The following CNTN4 variants were observed in gnomAD, a reference collection of about 807,000 sequenced individuals.
CNTN4 encodes the protein contactin-4.
Under a neutral mutation model 122.5 loss-of-function variants are expected in CNTN4, and 77 were observed. The observed-to-expected ratio is 0.63, with a 90% CI of 0.52 to 0.76. The LOEUF is 0.76. CNTN4 is among the 30% of genes least tolerant of loss of function. CNTN4 has a pLI of 0.00. For missense variants in CNTN4, 1,256 were observed against 1,259.1 expected (o/e 1.00, Z 0.04); for synonymous variants, 512 against 447.0 (o/e 1.15, Z -1.83).
rs375536094 is a variant in CNTN4 at position 2,818,615 on chromosome 3, T to A, written c.359-871T>A. 8.5e-5 allele frequency among the ~76,000 whole-genome samples: 13 copies of A among 152,234 alleles called. No individual in the cohort carries two copies. The East Asian group carries it at 1.4e-3, about 16-fold the overall frequency. ...TTGAGAGGATTTACATCTGGGAGGG[T>A]GGAAGAAAAAAACGTTTCTTGAACA... On this transcript the variant is annotated intron_variant, in intron 6 of 24. Transcript: ENST00000418658.
At chr3:2,428,575 AT>A (rs2047935491) in intron 3 of CNTN4, among the ~76,000 whole-genome samples, 1 of 152,088 alleles carries the variant, frequency 6.6e-6, no homozygotes, top group African/African-American at 2.4e-5. Context: ...CTCGAGGAGT[AT>A]CTTTGTTGCA....
intron 3 of CNTN4, among the ~76,000 whole-genome samples, chr3:2,552,459 T>A (rs543419375): frequency 2.8e-4 from 42 of 152,280 alleles, no homozygotes; most frequent in African/African-American, 9.1e-4. Flanking sequence ...ACAAGACAAA[T>A]GCTCATCATG....
intron 3 of CNTN4, among the ~76,000 whole-genome samples, chr3:2,420,696 A>G (rs767408908): frequency 5.3e-5 from 8 of 152,024 alleles, no homozygotes; most frequent in Non-Finnish European, 8.8e-5. Flanking sequence ...TCTGCCTCCC[A>G]AAGTGCATTG....
intron 4 of CNTN4, among the ~76,000 whole-genome samples, chr3:2,644,572 C>T (rs536842526): frequency 1.3e-5 from 2 of 151,494 alleles, no homozygotes; most frequent in South Asian, 4.2e-4. Flanking sequence ...TTCCTTTTTT[C>T]TGCAAAATAC....
chr3:2,970,710 T>C (rs1692818061), intron 13 of CNTN4, among the ~76,000 whole-genome samples: 1 of 152,158 alleles, frequency 6.6e-6, no homozygotes, highest in African/African-American at 2.4e-5. Flanking sequence ...TCTCTCAAAG[T>C]GCTGCGATTG....
chr3:2,344,435 G>A (rs1203036945), intron 3 of CNTN4, among the ~76,000 whole-genome samples: 3 of 151,856 alleles, frequency 2.0e-5, no homozygotes, highest in South Asian at 2.1e-4. Context: ...GTCTGCCACC[G>A]CACCCAGCTA....
At chr3:2,796,014 T>C (rs2092166143) in intron 6 of CNTN4, among the ~76,000 whole-genome samples, 1 of 152,190 alleles carries the variant, frequency 6.6e-6, no homozygotes, top group Non-Finnish European at 1.5e-5. Flanking sequence ...CACAGAAATA[T>C]CTGGAGAAAA....
chr3:2,844,098 T>A (rs969144740), intron 7 of CNTN4, among the ~76,000 whole-genome samples: 5 of 152,212 alleles, frequency 3.3e-5, no homozygotes, highest in African/African-American at 1.2e-4. Context: ...GGGGCCTTTG[T>A]GAGTGTTGCT....
intron 4 of CNTN4, among the ~76,000 whole-genome samples, chr3:2,595,276 A>G (rs527624918): frequency 2.0e-5 from 3 of 152,236 alleles, no homozygotes; most frequent in South Asian, 2.1e-4. Flanking sequence ...TTGGCATTTT[A>G]AAGATATTAT....
intron 2 of CNTN4, among the ~76,000 whole-genome samples, chr3:2,102,386 G>C (rs2032050214): frequency 6.6e-6 from 1 of 152,168 alleles, no homozygotes; most frequent in Non-Finnish European, 1.5e-5. Context: ...CTATTTCACG[G>C]CATCACGATA....
At chr3:2,911,547 C>T (rs1352905174) in intron 12 of CNTN4, among the ~76,000 whole-genome samples, 2 of 152,210 alleles carry the variant, frequency 1.3e-5, no homozygotes, top group African/African-American at 2.4e-5. Context: ...GAAGACATGG[C>T]CCAACCAAAG....
At chr3:2,543,176 A>C (rs2078101327) in intron 3 of CNTN4, among the ~76,000 whole-genome samples, 1 of 152,104 alleles carries the variant, frequency 6.6e-6, no homozygotes, top group African/African-American at 2.4e-5. Context: ...GAAAAATAAC[A>C]GAGGATATAT....
chr3:2,721,561 A>G (rs1252579561), intron 4 of CNTN4, among the ~76,000 whole-genome samples: 10 of 152,140 alleles, frequency 6.6e-5, no homozygotes, highest in Middle Eastern at 3.2e-3. Context: ...AGGCACACCT[A>G]CTGCTGTGTG....
chr3:2,464,041 C>T (rs951846465), intron 3 of CNTN4, among the ~76,000 whole-genome samples: 6 of 152,142 alleles, frequency 3.9e-5, no homozygotes, highest in African/African-American at 1.4e-4. Flanking sequence ...TAACCGTAGG[C>T]AGTAATTTTG....
intron 5 of CNTN4, among the ~76,000 whole-genome samples, chr3:2,736,756 C>T (rs1576615555): frequency 6.6e-6 from 1 of 151,604 alleles, no homozygotes; most frequent in Non-Finnish European, 1.5e-5. Context: ...AGCCACCACA[C>T]CCGGACCAAG....
At chr3:2,532,877 G>C (rs2077649859) in intron 3 of CNTN4, among the ~76,000 whole-genome samples, 3 of 151,954 alleles carry the variant, frequency 2.0e-5, no homozygotes, top group Non-Finnish European at 4.4e-5. Context: ...TGGGAGGCAG[G>C]GTGGGAAAAG....
chr3:2,740,526 T>C (rs9880202), intron 5 of CNTN4, among the ~76,000 whole-genome samples: 14,459 of 152,172 alleles, frequency 0.095, 2,261 homozygotes, highest in African/African-American at 0.32. Flanking sequence ...AGGAGTGGTA[T>C]AATCAAAGTA....
At chr3:2,885,016 A>G (rs185057656) in intron 9 of CNTN4, among the ~76,000 whole-genome samples, 15 of 152,334 alleles carry the variant, frequency 9.8e-5, no homozygotes, top group African/African-American at 3.1e-4. Flanking sequence ...TGTACTTTTC[A>G]TAGACCTTTT....
At chr3:2,707,335 C>G (rs2149309051) in intron 4 of CNTN4, among the ~76,000 whole-genome samples, 1 of 151,008 alleles carries the variant, frequency 6.6e-6, no homozygotes, top group African/African-American at 2.4e-5. Context: ...AAACAGAAAA[C>G]TTCACCTACA....
Sources: gnomAD v4.1 joint callset for allele counts (sites outside exome capture counted in the v4.1 genomes callset) on GRCh38, gnomAD v4.1.1 for gene constraint, MANE v1.5 for transcripts, NCBI Gene and HGNC (gene_info 2026-07-23, HGNC 2026-07-21) for gene names.